The following FAM178B variants were observed in gnomAD, a reference collection of about 807,000 sequenced individuals.
FAM178B encodes the protein family with sequence similarity 178 member B.
In FAM178B, 82 loss-of-function variants were observed where a neutral mutation model predicts 91.7. The observed-to-expected ratio is 0.89, with a 90% CI of 0.75 to 1.07. The LOEUF (loss-of-function observed/expected upper bound fraction) is 1.07, where lower values mean the gene tolerates loss of function less well. Ranked by LOEUF, FAM178B falls within the 50% of genes least tolerant of loss-of-function variation. The pLI is 0.00. For missense variants in FAM178B, 769 were observed against 846.7 expected (o/e 0.91, Z 1.14); for synonymous variants, 368 against 359.4 (o/e 1.02, Z -0.27).
chr2:96,910,144 C>T (rs2081126510), intron 12 of FAM178B, among the ~76,000 whole-genome samples: 1 of 152,144 alleles, frequency 6.6e-6, no homozygotes, highest in African/African-American at 2.4e-5. Flanking sequence ...CTTGTTAGGA[C>T]TCCTAGAAAG....
At chr2:96,879,657 A>G (rs2080331360) in intron 14 of FAM178B, among the ~76,000 whole-genome samples, 1 of 152,208 alleles carries the variant, frequency 6.6e-6, no homozygotes, top group Admixed American at 6.5e-5. Context: ...TCTCCCACAC[A>G]ACGGCTAAGG....
chr2:96,894,942 G>C, intron 13 of FAM178B: 1 of 557,932 alleles, frequency 1.8e-6, no homozygotes, highest in Non-Finnish European at 2.7e-6. Context: ...CTGCACTGCC[G>C]CTCTGCATCT....
At chr2:96,877,781 T>C (rs2153366931) in intron 16 of FAM178B, 109 bp downstream of exon 16, 1 of 1,153,146 alleles carries the variant, frequency 8.7e-7, no homozygotes, top group South Asian at 1.5e-5. Context: ...CCCATATCCC[T>C]GCCAGGAGCT....
At chr2:96,895,194 C>G (rs928495080) in intron 13 of FAM178B, 47 of 1,027,030 alleles carry the variant, frequency 4.6e-5, no homozygotes, top group Non-Finnish European at 4.7e-5. Flanking sequence ...CCATAAAGAG[C>G]TTCTACAGAA....
At position 96,945,267 on chromosome 2, in the gene FAM178B, G is replaced by T. The variant is rs556013218; in HGVS notation, c.1078+2551C>A. On this transcript the variant is annotated intron_variant, in intron 8 of 16. Transcript: ENST00000490605. ...TCCAGGAATACAATTCTCCGTTACC[G>T]CCCCACCCCCCACACACACACTAGA... Among the ~76,000 whole-genome samples, 9 of 151,970 alleles carry T rather than the reference G, an allele frequency of 5.9e-5. No individual in the cohort carries two copies. The South Asian group carries it at 1.7e-3, about 28-fold the overall frequency.
At position 96,921,199 on chromosome 2, in the gene FAM178B, C is replaced by A; in HGVS notation, c.1528G>T (p.Val510Leu). Residue 510 changes from valine to leucine, a missense_variant, in exon 12 of 17, where the codon GTG becomes TTG. Transcript: ENST00000490605. ...GAGGTCATGTCTGGGAAGAACTGCA[C>A]GAGGGCCAGCAGGTTGTGGTGGTGG... ...SDHHHNLLALVQFFPDMTSRS... is the reference protein window; with the variant it reads ...SDHHHNLLALLQFFPDMTSRS... 6.4e-7 allele frequency: 1 copy of A among 1,551,506 alleles called. No individual in the cohort carries two copies. Among genetic ancestry groups the A allele is most frequent in the Non-Finnish European group, 8.7e-7 (1 of 1,146,972 alleles).
At chr2:96,884,466 C>T (rs2080467852) in intron 14 of FAM178B, among the ~76,000 whole-genome samples, 1 of 152,222 alleles carries the variant, frequency 6.6e-6, no homozygotes, top group African/African-American at 2.4e-5. Flanking sequence ...AGGCTGGGCC[C>T]CCGGGGCACG....
chr2:96,925,958 T>A (rs1327313112), intron 9 of FAM178B, among the ~76,000 whole-genome samples: 1 of 152,202 alleles, frequency 6.6e-6, no homozygotes, highest in Admixed American at 6.5e-5. Flanking sequence ...GTCAATGTGT[T>A]AATTGTCATG....
rs147659016 is a variant in FAM178B at position 96,914,239 on chromosome 2, G to A, written c.1562+6926C>T. Among the ~76,000 whole-genome samples, 4 of 152,340 alleles carry A rather than the reference G, an allele frequency of 2.6e-5. No homozygotes were observed. The East Asian group carries it at 7.7e-4, about 29-fold the overall frequency. On this transcript the variant is annotated intron_variant, in intron 12 of 16. Transcript: ENST00000490605. Reference sequence around the variant, plus strand: ...AAAGGGAGGTTGTGCAGAGCCCTGAGGTGGCAGCTCATTTGGAAAAAAGGA... The same window carrying A: ...AAAGGGAGGTTGTGCAGAGCCCTGAAGTGGCAGCTCATTTGGAAAAAAGGA...
chr2:96,977,475 G>A (rs1244878819), intron 1 of FAM178B, among the ~76,000 whole-genome samples: 2 of 148,690 alleles, frequency 1.3e-5, no homozygotes, highest in Non-Finnish European at 3.0e-5. Flanking sequence ...TTTTTTGGTG[G>A]GGAGGGTCAA....
chr2:96,929,220 A>G lies in FAM178B; in HGVS notation c.1179T>C (p.Phe393=). Residue 393 remains phenylalanine (F), a synonymous_variant, in exon 9 of 17, where the codon TTT becomes TTC. Coordinates refer to ENST00000490605, the MANE Select transcript of FAM178B (RefSeq NM_001122646.3). ...GAAGTACTCACCTGCCACCGTGCCA[A>G]AAGGGCCCCAGAGGGTACAGGGCAG... ...HSPALYPLGP[F]WHGGRVLPGE... is the part of the protein sequence containing the mutation. 6.4e-7 allele frequency: 1 copy of G among 1,551,230 alleles called. No homozygotes were observed. Among genetic ancestry groups the G allele is most frequent in the South Asian group, 1.2e-5 (1 of 84,046 alleles).
intron 1 of FAM178B, among the ~76,000 whole-genome samples, chr2:96,977,286 G>C (rs566466411): frequency 2.7e-5 from 4 of 148,062 alleles, no homozygotes; most frequent in Non-Finnish European, 5.9e-5. Context: ...TCAGCAGGCC[G>C]AGGTAGGATA....
intron 5 of FAM178B, 94 bp from the exon 6 acceptor site, chr2:96,960,534 C>A: frequency 1.5e-6 from 2 of 1,367,676 alleles, no homozygotes; most frequent in Non-Finnish European, 2.0e-6. Context: ...AGGGGGGCCA[C>A]GGGCTCCCTG....
At chr2:96,937,259 C>A (rs145687424) in intron 8 of FAM178B, among the ~76,000 whole-genome samples, 151 of 136,176 alleles carry the variant, frequency 1.1e-3, no homozygotes, top group African/African-American at 4.5e-3. Flanking sequence ...GCCCTACCCC[C>A]CAGCAATTGT....
At chr2:96,968,493 G>T (rs919133142) in intron 4 of FAM178B, among the ~76,000 whole-genome samples, 3 of 152,052 alleles carry the variant, frequency 2.0e-5, no homozygotes, top group African/African-American at 7.2e-5. Flanking sequence ...CACCCTGGTT[G>T]GGCCCATGGG....
intron 12 of FAM178B, among the ~76,000 whole-genome samples, chr2:96,906,414 G>A (rs753746596): frequency 2.6e-5 from 4 of 152,024 alleles, no homozygotes; most frequent in Non-Finnish European, 5.9e-5. Context: ...TATGTGCATC[G>A]TGTCTAGCAA....
intron 8 of FAM178B, among the ~76,000 whole-genome samples, chr2:96,932,988 C>T (rs1286860673): frequency 6.3e-5 from 9 of 142,816 alleles, no homozygotes; most frequent in South Asian, 2.3e-4. Flanking sequence ...CTCACGCCTG[C>T]AATCCCAGCA....
intron 12 of FAM178B, among the ~76,000 whole-genome samples, chr2:96,913,001 T>A (rs1170166337): frequency 6.6e-6 from 1 of 151,998 alleles, no homozygotes; most frequent in Non-Finnish European, 1.5e-5. Context: ...GAGGGAGATG[T>A]GGGTGGAGAC....
intron 14 of FAM178B, among the ~76,000 whole-genome samples, chr2:96,889,673 G>A (rs1364910370): frequency 1.6e-5 from 2 of 122,808 alleles, no homozygotes; most frequent in African/African-American, 6.3e-5. Context: ...GCAAGACTCT[G>A]TCTCAAATAA....
Sources: allele counts gnomAD v4.1 joint callset (sites outside exome capture counted in the v4.1 genomes callset), GRCh38; gene constraint gnomAD v4.1.1; transcripts MANE v1.5; gene names NCBI Gene and HGNC (gene_info 2026-07-23, HGNC 2026-07-21).